GALNT7: variants seen among roughly 807,000 people sequenced by gnomAD.
GALNT7 encodes polypeptide N-acetylgalactosaminyltransferase 7.
Under a neutral mutation model 82.1 loss-of-function variants are expected in GALNT7, and 60 were observed. The ratio of observed to expected loss-of-function variants is 0.73; its 90% CI spans 0.59 to 0.91. The LOEUF (loss-of-function observed/expected upper bound fraction) is 0.91. GALNT7 is among the 40% of genes least tolerant of loss of function. The pLI is 0.00. For missense variants in GALNT7, 660 were observed against 804.2 expected, an observed-to-expected ratio of 0.82 and a Z score of 2.17; for synonymous variants, 243 against 275.1, an observed-to-expected ratio of 0.88 and a Z score of 1.15.
chr4:173,239,790 T>G (rs1734359652), intron 1 of GALNT7, among the ~76,000 whole-genome samples: 1 of 152,238 alleles, frequency 6.6e-6, no homozygotes, highest in Admixed American at 6.5e-5. Flanking sequence ...ATCGGAAGTT[T>G]TTATTTTGTA....
chr4:173,276,606 G>A (rs76190516), intron 2 of GALNT7, among the ~76,000 whole-genome samples: 2,286 of 152,270 alleles, frequency 0.015, 68 homozygotes, highest in African/African-American at 0.052. Flanking sequence ...TGTGATTATT[G>A]TACCACTAGC....
intron 1 of GALNT7, among the ~76,000 whole-genome samples, chr4:173,242,929 G>T (rs576990822): frequency 2.6e-5 from 4 of 152,238 alleles, no homozygotes. Flanking sequence ...TTTTGATCAA[G>T]AGAGTTAAAA....
chr4:173,300,740 A>C (rs879384761), intron 6 of GALNT7, among the ~76,000 whole-genome samples: 1 of 152,006 alleles, frequency 6.6e-6, no homozygotes, highest in Admixed American at 6.5e-5. Flanking sequence ...GGCAGAAGAC[A>C]ATAAAGGACA....
chr4:173,216,887 C>A (rs532301277), intron 1 of GALNT7, among the ~76,000 whole-genome samples: 1 of 150,602 alleles, frequency 6.6e-6, no homozygotes, highest in Non-Finnish European at 1.5e-5. Context: ...CCTGCCACCA[C>A]GCCTGGCTAA....
chr4:173,314,847 A>G (rs112693203), intron 9 of GALNT7, among the ~76,000 whole-genome samples: 3 of 152,262 alleles, frequency 2.0e-5, no homozygotes, highest in Non-Finnish European at 2.9e-5. Context: ...TAAACCTGCC[A>G]TGAACGTTCA....
intron 9 of GALNT7, among the ~76,000 whole-genome samples, chr4:173,315,075 C>G (rs1397123324): frequency 6.6e-6 from 1 of 152,116 alleles, no homozygotes; most frequent in Non-Finnish European, 1.5e-5. Context: ...GTCAAGAGGA[C>G]TTAAGGGCAG....
At chr4:173,277,834 TC>T (rs1735970209) in intron 2 of GALNT7, among the ~76,000 whole-genome samples, 1 of 152,224 alleles carries the variant, frequency 6.6e-6, no homozygotes, top group South Asian at 2.1e-4. Flanking sequence ...TTCTTAGTTA[TC>T]TGCAGGAGTG....
chr4:173,246,325 G>A (rs1004187596), intron 1 of GALNT7, among the ~76,000 whole-genome samples: 86 of 152,294 alleles, frequency 5.6e-4, no homozygotes, highest in African/African-American at 1.6e-3. Flanking sequence ...TGAACCAGTT[G>A]TAATATCTTA....
intron 2 of GALNT7, among the ~76,000 whole-genome samples, chr4:173,265,587 A>ATC (rs59676800): frequency 0.057 from 6,672 of 117,928 alleles, 212 homozygotes; most frequent in Non-Finnish European, 0.078. Context: ...TGGCGTAAGC[A>ATC]TCTCTCTCTC....
chr4:173,199,054 G>C (rs1276809343), intron 1 of GALNT7, among the ~76,000 whole-genome samples: 3 of 152,168 alleles, frequency 2.0e-5, no homozygotes, highest in Non-Finnish European at 2.9e-5. Context: ...GAAAGCTGTT[G>C]CAATAAGAGC....
intron 1 of GALNT7, among the ~76,000 whole-genome samples, chr4:173,241,422 G>A (rs1281431300): frequency 2.6e-5 from 4 of 152,154 alleles, no homozygotes; most frequent in Non-Finnish European, 5.9e-5. Context: ...CATAATTACT[G>A]TACAGAATGC....
At chr4:173,169,242 C>A (rs1248066799) in intron 1 of GALNT7, 1 of 148,372 alleles carries the variant, frequency 6.7e-6, no homozygotes. Context: ...CTCGGGCGGC[C>A]GCTCTCCGCG....
rs1737849707 is a variant in GALNT7 at position 173,322,297 on chromosome 4, A to G, written c.*580A>G. ...TCAGTATATATTTCAAGAGCTTGTG[A>G]TGAAATCTATAGGATGGTAATGATG... On this transcript the variant is annotated 3_prime_UTR_variant, in exon 12 of 12. Coordinates refer to ENST00000265000, the MANE Select transcript of GALNT7 (RefSeq NM_017423.3). 6.5e-6 allele frequency: 1 copy of G among 152,886 alleles called. No homozygotes were observed. The highest frequency in any genetic ancestry group is 2.4e-5 in the African/African-American group (1 of 41,448). The allele number at this position is 152,886 out of a possible 1,614,324, so 9.5% of individuals were successfully genotyped here.
rs55848625 is a variant in GALNT7 at position 173,302,250 on chromosome 4, A to G, written c.1266+86A>G. On this transcript the variant is annotated intron_variant, in intron 7 of 11. Coordinates refer to ENST00000265000, the MANE Select transcript of GALNT7 (RefSeq NM_017423.3). This position sits in a 1 kb window ranked among gnomAD's most constrained non-coding sequence, Gnocchi z 4.2. ...GATAAAGCTAGTTTTTTGTGGGGGA[A>G]AAAAGCCCACAATTATATCATGCAT... is the stretch of plus-strand genomic sequence containing the variant. The G allele has an allele frequency of 0.011, 8,327 of 756,464 alleles. 414 individuals are homozygous for G. The African/African-American group carries it at 0.12, about 11-fold the overall frequency. 46.9% of individuals were successfully genotyped at this position (756,464 alleles called of 1,614,324 possible).
chr4:173,268,541 T>TTG (rs1252430460), intron 2 of GALNT7, among the ~76,000 whole-genome samples: 1 of 124,096 alleles, frequency 8.1e-6, no homozygotes, highest in Non-Finnish European at 1.7e-5. Context: ...TTTTTTTTTT[T>TTG]TTTTTTTTTT....
chr4:173,248,183 G>A lies in GALNT7; in HGVS notation c.330G>A (p.Arg110=), dbSNP rs542516300. Residue 110 remains arginine (R), a synonymous_variant, in exon 2 of 12, where the codon AGG becomes AGA. Transcript: ENST00000265000. ...ATTCCCAGAAAGATATCATGCAGAGGCAGTATCTCACATTTAAGCCTCAGA... is the reference window on the plus strand; with the variant it reads ...ATTCCCAGAAAGATATCATGCAGAGACAGTATCTCACATTTAAGCCTCAGA... ...GGDSQKDIMQ[R]QYLTFKPQTF... 1.2e-6 allele frequency: 2 copies of A among 1,613,752 alleles called. No homozygotes were observed. The highest frequency in any genetic ancestry group is 1.7e-5 in the Admixed American group (1 of 59,958).
At chr4:173,251,887 A>G in intron 2 of GALNT7, among the ~76,000 whole-genome samples, 1 of 152,226 alleles carries the variant, frequency 6.6e-6, no homozygotes, top group East Asian at 1.9e-4. Context: ...AATATTTCAA[A>G]ATGCCCAAAT....
intron 1 of GALNT7, among the ~76,000 whole-genome samples, chr4:173,207,364 A>G (rs116236338): frequency 0.013 from 1,972 of 152,348 alleles, 39 homozygotes; most frequent in African/African-American, 0.044. Flanking sequence ...TAAATTTAGT[A>G]TATATTATTC....
At chr4:173,203,193 A>C (rs1184471048) in intron 1 of GALNT7, among the ~76,000 whole-genome samples, 1 of 152,130 alleles carries the variant, frequency 6.6e-6, no homozygotes, top group East Asian at 1.9e-4. Flanking sequence ...TCCTGGGTTG[A>C]CACCATTCTC....
Sources: allele counts gnomAD v4.1 joint callset (sites outside exome capture counted in the v4.1 genomes callset), GRCh38; gene constraint gnomAD v4.1.1; non-coding constraint Gnocchi (gnomAD v3.1); transcripts MANE v1.5; gene names NCBI Gene and HGNC (gene_info 2026-07-23, HGNC 2026-07-21).